Variants in LCORL observed in about 807,000 individuals in gnomAD.
LCORL encodes the protein ligand dependent nuclear receptor corepressor like.
In LCORL, 41 loss-of-function variants were observed where a neutral mutation model predicts 141.8. That is an observed-to-expected ratio of 0.29 (90% CI 0.23 to 0.38). The LOEUF is 0.38. LCORL is among the 10% of genes least tolerant of loss of function. The pLI is 1.00. For missense variants in LCORL, 1,759 were observed against 2,035.0 expected, an observed-to-expected ratio of 0.86 and a Z score of 2.61; for synonymous variants, 618 against 694.1, an observed-to-expected ratio of 0.89 and a Z score of 1.72.
At chr4:17,969,643 T>C (rs1715564279) in intron 2 of LCORL, among the ~76,000 whole-genome samples, 1 of 152,116 alleles carries the variant, frequency 6.6e-6, no homozygotes, top group Non-Finnish European at 1.5e-5. Flanking sequence ...TATACAAGAA[T>C]TATATTATCC....
exon 7 of LCORL, chr4:17,874,909 A>G (rs1423139844): frequency 8.1e-7 from 1 of 1,233,680 alleles, no homozygotes; most frequent in Admixed American, 4.2e-5. Context: ...TGCAGTTTAT[A>G]TGATTTATGG....
chr4:17,993,370 AT>A (rs1006175478), intron 1 of LCORL, among the ~76,000 whole-genome samples: 1 of 151,914 alleles, frequency 6.6e-6, no homozygotes, highest in Non-Finnish European at 1.5e-5. Flanking sequence ...AACTGGCTTA[AT>A]TTTTTTGTAT....
At chr4:17,845,833 C>T (rs749160146) in exon 8 of LCORL, 3 of 1,613,418 alleles carry the variant, frequency 1.9e-6, no homozygotes, top group Non-Finnish European at 2.5e-6. Context: ...CTTAATGGGG[C>T]TCAAAGGGCA....
intron 6 of LCORL, chr4:17,883,792 T>TA: frequency 1.3e-6 from 2 of 1,550,674 alleles, no homozygotes; most frequent in Non-Finnish European, 1.7e-6. Context: ...CAGTGTCTGG[T>TA]AATCGTAGTT....
At chr4:17,954,733 A>C (rs1278007796) in intron 4 of LCORL, among the ~76,000 whole-genome samples, 10 of 152,172 alleles carry the variant, frequency 6.6e-5, no homozygotes, top group Admixed American at 6.5e-4. Context: ...TACAGACTTG[A>C]TAATAGGTTG....
At chr4:17,923,727 G>A (rs1734661409) in intron 4 of LCORL, among the ~76,000 whole-genome samples, 1 of 151,978 alleles carries the variant, frequency 6.6e-6, no homozygotes, top group Non-Finnish European at 1.5e-5. Context: ...TAATGTAGAG[G>A]AAGGGATCCA....
chr4:17,862,288 A>T (rs1024327330), intron 7 of LCORL, among the ~76,000 whole-genome samples: 11 of 152,248 alleles, frequency 7.2e-5, no homozygotes, highest in African/African-American at 2.7e-4. Flanking sequence ...ACATATTGGC[A>T]GACAAGAGAA....
intron 2 of LCORL, among the ~76,000 whole-genome samples, chr4:17,966,554 A>C (rs2109630411): frequency 6.6e-6 from 1 of 152,254 alleles, no homozygotes; most frequent in South Asian, 2.1e-4. Context: ...ATTTCCATAC[A>C]ATCTGTCTCT....
At chr4:17,852,299 A>T (rs1723832391) in intron 7 of LCORL, among the ~76,000 whole-genome samples, 1 of 152,040 alleles carries the variant, frequency 6.6e-6, no homozygotes, top group Non-Finnish European at 1.5e-5. Flanking sequence ...AGTTGGGGGG[A>T]AAAATGTAAA....
At chr4:17,893,349 C>A in intron 5 of LCORL, 1 of 938,224 alleles carries the variant, frequency 1.1e-6, no homozygotes, top group Non-Finnish European at 1.3e-6. Flanking sequence ...AATATGTGAT[C>A]CTTCCATACT....
At chr4:17,855,441 C>A (rs1054263611) in intron 7 of LCORL, among the ~76,000 whole-genome samples, 3 of 152,094 alleles carry the variant, frequency 2.0e-5, no homozygotes, top group African/African-American at 7.2e-5. Context: ...GTTCCGAAAC[C>A]CTGTTTGCAT....
intron 4 of LCORL, among the ~76,000 whole-genome samples, chr4:17,931,875 T>C (rs1045637093): frequency 3.4e-4 from 52 of 152,170 alleles, no homozygotes; most frequent in South Asian, 2.1e-4. Flanking sequence ...TCACTTCACA[T>C]ATCTTGGACT....
At position 17,872,101 on chromosome 4, in the gene LCORL, AC is replaced by A. The variant is rs1272297466; in HGVS notation, c.5602+1286del. Among the ~76,000 whole-genome samples, 6 of 151,424 alleles carry A rather than the reference AC, an allele frequency of 4.0e-5. No homozygotes were observed. In the South Asian group the frequency reaches 1.3e-3, roughly 32 times the overall value. ...TAAAAATAAAGCCAATACTTCCCCA[AC>A]CCCCCCAAAAACACCCCTAAAATAT... On this transcript the variant is annotated intron_variant, in intron 7 of 7. Transcript: ENST00000635767.
chr4:17,980,776 C>A (rs1365754928), intron 1 of LCORL, among the ~76,000 whole-genome samples: 3 of 152,166 alleles, frequency 2.0e-5, no homozygotes, highest in African/African-American at 4.8e-5. Context: ...AGCGGGCAAG[C>A]GAGCATTACC....
intron 5 of LCORL, among the ~76,000 whole-genome samples, chr4:17,902,728 T>C (rs1731068938): frequency 6.6e-6 from 1 of 152,128 alleles, no homozygotes. Context: ...CTGAAATTCA[T>C]ATATTTTATT....
intron 1 of LCORL, among the ~76,000 whole-genome samples, chr4:17,997,151 A>C (rs931120987): frequency 6.6e-6 from 1 of 152,202 alleles, no homozygotes; most frequent in Admixed American, 6.5e-5. Context: ...CACAAACCGA[A>C]CAATTACCTA....
intron 1 of LCORL, among the ~76,000 whole-genome samples, chr4:17,998,999 TATATACACAC>T (rs1375000039): frequency 7.6e-4 from 49 of 64,574 alleles, no homozygotes; most frequent in African/African-American, 2.2e-3. Flanking sequence ...TATATATATA[TATATACACAC>T]ATATATATAT....
intron 5 of LCORL, 37 bp from the exon 6 acceptor site, chr4:17,886,198 AAC>A (rs1366470807): frequency 1.0e-6 from 1 of 970,936 alleles, no homozygotes; most frequent in Non-Finnish European, 1.6e-6. Context: ...TTATATTTGC[AAC>A]AGATAGGCAA....
chr4:17,910,638 A>G (rs550483559), intron 4 of LCORL, among the ~76,000 whole-genome samples: 1 of 152,274 alleles, frequency 6.6e-6, no homozygotes, highest in South Asian at 2.1e-4. Context: ...CCATGGCTGT[A>G]AAATACAAGA....
Sources: gnomAD v4.1 joint callset for allele counts (sites outside exome capture counted in the v4.1 genomes callset) on GRCh38, gnomAD v4.1.1 for gene constraint, MANE v1.5 for transcripts, NCBI Gene and HGNC (gene_info 2026-07-23, HGNC 2026-07-21) for gene names.